The following DPT variants were observed in gnomAD, a reference collection of about 807,000 sequenced individuals.
DPT encodes the protein tyrosine-rich acidic matrix protein.
DPT carries 21 observed loss-of-function variants against 31.2 expected under a neutral mutation model. The ratio of observed to expected loss-of-function variants is 0.67; its 90% CI spans 0.48 to 0.97. The LOEUF is 0.97. Ranked by LOEUF, DPT falls within the 50% of genes least tolerant of loss-of-function variation. DPT has a pLI of 0.00. For synonymous variants in DPT, 91 were observed against 86.9 expected (o/e 1.05, Z -0.26); for missense variants, 262 against 258.8 (o/e 1.01, Z -0.08).
At chr1:168,719,378 T>G (rs548939033) in intron 1 of DPT, among the ~76,000 whole-genome samples, 1 of 152,332 alleles carries the variant, frequency 6.6e-6, no homozygotes, top group East Asian at 1.9e-4. Context: ...GCTGCAGGAT[T>G]ACAAACACAG....
chr1:168,697,055 A>G (rs867265317), intron 3 of DPT, among the ~76,000 whole-genome samples: 3 of 152,112 alleles, frequency 2.0e-5, no homozygotes, highest in Admixed American at 6.6e-5. Context: ...TGAGGCTAGG[A>G]GTTTGAGACC....
chr1:168,696,342 G>A lies in DPT; in HGVS notation c.*207C>T, dbSNP rs1649465789. 2 of 584,376 alleles carry A rather than the reference G, an allele frequency of 3.4e-6. No homozygotes were observed. Among genetic ancestry groups the A allele is most frequent in the African/African-American group, 1.9e-5 (1 of 53,564 alleles). The allele number at this position is 584,376 out of a possible 1,614,324, so 36.2% of individuals were successfully genotyped here. On this transcript the variant is annotated 3_prime_UTR_variant, in exon 4 of 4. Coordinates refer to ENST00000367817, the MANE Select transcript of DPT (RefSeq NM_001937.5). ...GCAGTTGCTATGAAACATGTGAAAA[G>A]TGAGAAACATGGTTTAATTGTGGAT...
chr1:168,706,671 G>A (rs987039786), intron 2 of DPT, among the ~76,000 whole-genome samples: 1 of 152,180 alleles, frequency 6.6e-6, no homozygotes, highest in East Asian at 1.9e-4. Flanking sequence ...GTCCATGTCT[G>A]TCCTTTTATG....
At chr1:168,701,439 A>G (rs6427142) in intron 2 of DPT, among the ~76,000 whole-genome samples, 19,277 of 152,234 alleles carry the variant, frequency 0.13, 1,480 homozygotes, top group African/African-American at 0.22. Context: ...ATTCTATTCA[A>G]GTCAACTAAG....
intron 2 of DPT, among the ~76,000 whole-genome samples, chr1:168,703,296 T>C (rs1006937687): frequency 5.3e-5 from 8 of 152,258 alleles, no homozygotes; most frequent in Admixed American, 1.3e-4. Flanking sequence ...TTTAAGTTTT[T>C]ACTGACCACT....
chr1:168,696,959 A>G (rs1348509990), intron 3 of DPT, among the ~76,000 whole-genome samples: 1 of 152,046 alleles, frequency 6.6e-6, no homozygotes, highest in Non-Finnish European at 1.5e-5. Flanking sequence ...TCTCCATTTC[A>G]TTGTAAAGAA....
chr1:168,700,389 C>G lies in DPT; in HGVS notation c.539+628G>C, dbSNP rs531146575. Among the ~76,000 whole-genome samples the G allele has an allele frequency of 4.8e-4, 73 of 152,220 alleles. 1 individual carries two copies. Among genetic ancestry groups the G allele is most frequent in the African/African-American group, 1.5e-3 (64 of 41,528 alleles). On this transcript the variant is annotated intron_variant, in intron 3 of 3. Transcript: ENST00000367817. ...ACTGTGAAAATAAATTTCTATTGTT[C>G]GTAAGTTACCCAGTCTAAGGTAATG... is the stretch of plus-strand genomic sequence containing the variant.
intron 2 of DPT, among the ~76,000 whole-genome samples, chr1:168,703,550 G>A (rs1360502693): frequency 1.3e-5 from 2 of 152,216 alleles, no homozygotes; most frequent in South Asian, 2.1e-4. Flanking sequence ...TTTCTAGAAT[G>A]TCCTAGAGAA....
chr1:168,727,483 C>A (rs149521804), intron 1 of DPT, among the ~76,000 whole-genome samples: 1 of 152,046 alleles, frequency 6.6e-6, no homozygotes, highest in Admixed American at 6.5e-5. Flanking sequence ...TTCCCATCAT[C>A]ACCTCTCTAC....
At chr1:168,728,475 A>G (rs1025152907) in intron 1 of DPT, among the ~76,000 whole-genome samples, 1 of 152,238 alleles carries the variant, frequency 6.6e-6, no homozygotes. Context: ...TCTAAAAAAG[A>G]AAAATGCCAT....
At chr1:168,726,859 T>C (rs1211012984) in intron 1 of DPT, among the ~76,000 whole-genome samples, 2 of 152,184 alleles carry the variant, frequency 1.3e-5, no homozygotes, top group African/African-American at 4.8e-5. Flanking sequence ...GGGTTTTGAA[T>C]AACTAAATCT....
chr1:168,719,305 C>T (rs1650048659), intron 1 of DPT, among the ~76,000 whole-genome samples: 1 of 152,142 alleles, frequency 6.6e-6, no homozygotes, highest in Non-Finnish European at 1.5e-5. Flanking sequence ...CTCCTCCATT[C>T]CTCTCATTTT....
chr1:168,700,889 ACG>A (rs1491097574), intron 3 of DPT, 126 bp downstream of exon 3: 19 of 604,048 alleles, frequency 3.1e-5, no homozygotes, highest in Middle Eastern at 3.0e-4. Flanking sequence ...CTTGTATTCT[ACG>A]TGTGTGTGTG....
At chr1:168,725,664 G>T (rs910904552) in intron 1 of DPT, among the ~76,000 whole-genome samples, 1 of 152,110 alleles carries the variant, frequency 6.6e-6, no homozygotes, top group African/African-American at 2.4e-5. Flanking sequence ...TTCAGAAGCC[G>T]GCACTTGAAG....
At chr1:168,727,577 A>G (rs899790610) in intron 1 of DPT, among the ~76,000 whole-genome samples, 1 of 138,100 alleles carries the variant, frequency 7.2e-6, no homozygotes, top group Non-Finnish European at 1.5e-5. Context: ...TTGCTCTGCC[A>G]CCCAGGAGGG....
intron 1 of DPT, among the ~76,000 whole-genome samples, chr1:168,723,029 T>G (rs1489707660): frequency 6.6e-6 from 1 of 152,192 alleles, no homozygotes; most frequent in Non-Finnish European, 1.5e-5. Flanking sequence ...AGAGCTCAAG[T>G]TCCCCCAGAC....
intron 2 of DPT, among the ~76,000 whole-genome samples, chr1:168,710,094 A>C (rs1649817177): frequency 6.6e-6 from 1 of 152,188 alleles, no homozygotes; most frequent in Admixed American, 6.5e-5. Context: ...AGGCATTTAG[A>C]AAGACATATA....
At chr1:168,716,132 TTGTC>T (rs1392490345) in intron 1 of DPT, among the ~76,000 whole-genome samples, 1 of 152,232 alleles carries the variant, frequency 6.6e-6, no homozygotes, top group Non-Finnish European at 1.5e-5. Flanking sequence ...AATATATTAC[TTGTC>T]TGTCATCAGA....
intron 2 of DPT, among the ~76,000 whole-genome samples, chr1:168,713,256 C>T (rs1325626364): frequency 6.6e-6 from 1 of 152,198 alleles, no homozygotes; most frequent in Non-Finnish European, 1.5e-5. Context: ...CTCCATCATA[C>T]AGTGACAGGT....
Sources: gnomAD v4.1 joint callset for allele counts (sites outside exome capture counted in the v4.1 genomes callset) on GRCh38, gnomAD v4.1.1 for gene constraint, MANE v1.5 for transcripts, NCBI Gene and HGNC (gene_info 2026-07-23, HGNC 2026-07-21) for gene names.